The following APC2 variants were observed in gnomAD, a reference collection of about 807,000 sequenced individuals.
APC2 encodes the protein APC regulator of Wnt signaling pathway 2.
In APC2, 41 loss-of-function variants were observed where a neutral mutation model predicts 72.5. The observed-to-expected ratio is 0.57, with a 90% CI of 0.44 to 0.73. The LOEUF (loss-of-function observed/expected upper bound fraction) is 0.73, where lower values mean the gene tolerates loss of function less well. Ranked by LOEUF, APC2 falls within the 30% of genes least tolerant of loss-of-function variation. The pLI, the probability that APC2 is intolerant of heterozygous loss-of-function variation, is 0.00. For synonymous variants in APC2, 1,898 were observed against 1,612.0 expected (o/e 1.18, Z -4.25); for missense variants, 3,729 against 3,403.4 (o/e 1.10, Z -2.38).
chr19:1,447,203 C>T (rs1275958204), upstream of APC2, among the ~76,000 whole-genome samples: 2 of 152,256 alleles, frequency 1.3e-5, no homozygotes, highest in African/African-American at 4.8e-5. Flanking sequence ...CGGGCCGTCT[C>T]TATCCTCCCG....
At position 1,470,663 on chromosome 19, in the gene APC2, GGCCTGCC is replaced by G. The variant is rs2084119124; in HGVS notation, c.*451_*457del. 1 of 163,308 alleles carries G rather than the reference GGCCTGCC, an allele frequency of 6.1e-6. No homozygotes were observed. Among genetic ancestry groups the G allele is most frequent in the Non-Finnish European group, 1.3e-5 (1 of 75,922 alleles). 10.1% of individuals were successfully genotyped at this position (163,308 alleles called of 1,614,324 possible). On this transcript the variant is annotated 3_prime_UTR_variant, in exon 15 of 15. Transcript: ENST00000590469. ...GCTGGGGGAGGGCGGCGCCGCGGCG[GGCCTGCC>G]AGCTGGGGGCCTTTGCGGCGCGCAG... is the stretch of plus-strand genomic sequence containing the variant.
intron 14 of APC2, among the ~76,000 whole-genome samples, chr19:1,462,703 G>A (rs1302986964): frequency 1.3e-5 from 2 of 150,038 alleles, no homozygotes; most frequent in Non-Finnish European, 2.9e-5. Context: ...AGGCGCAGTG[G>A]CTCACACCTG....
chr19:1,459,122 G>A (rs1244769065), intron 10 of APC2, among the ~76,000 whole-genome samples: 2 of 152,176 alleles, frequency 1.3e-5, no homozygotes, highest in Admixed American at 6.5e-5. Flanking sequence ...GAATCACACA[G>A]GATTTGTCAT....
chr19:1,448,009 C>A (rs1599124316), upstream of APC2, among the ~76,000 whole-genome samples: 6 of 152,106 alleles, frequency 3.9e-5, no homozygotes, highest in Admixed American at 6.5e-5. Flanking sequence ...TCCAACCCAC[C>A]CTTCAGTAAA....
chr19:1,469,221 C>A lies in APC2; in HGVS notation c.5920C>A (p.Arg1974Ser). 1.4e-6 allele frequency: 2 copies of A among 1,408,968 alleles called. No homozygotes were observed. 87.3% of individuals were successfully genotyped at this position (1,408,968 alleles called of 1,614,324 possible). The change falls in exon 15 of 15, where the codon CGT becomes AGT. Residue 1974 changes from arginine to serine, a missense_variant. Coordinates refer to ENST00000590469, the MANE Select transcript of APC2 (RefSeq NM_005883.3). ...GCGCGGGGGCCGCCTGGGCCTGGTG[C>A]GTGTGGCCTCAGCCCTCTCCAGCGG... ...GARGGRLGLVRVASALSSGSE... is the reference protein window; with the variant it reads ...GARGGRLGLVSVASALSSGSE...
chr19:1,449,468 A>G (rs991984844), upstream of APC2, among the ~76,000 whole-genome samples: 3 of 152,186 alleles, frequency 2.0e-5, no homozygotes, highest in African/African-American at 7.2e-5. Context: ...CCAGGGGCAG[A>G]GACACATGGA....
chr19:1,469,464 G>A lies in APC2; in HGVS notation c.6163G>A (p.Ala2055Thr). 1 of 1,128,822 alleles carries A rather than the reference G, an allele frequency of 8.9e-7. No homozygotes were observed. The allele number at this position is 1,128,822 out of a possible 1,614,324, so 69.9% of individuals were successfully genotyped here. Residue 2055 changes from alanine (A) to threonine (T), a missense_variant, in exon 15 of 15, where the codon GCC becomes ACC. By Grantham distance (58) the Ala-to-Thr change is moderately conservative (BLOSUM62 0). Transcript: ENST00000590469. ...CCGAGCGGCACCCCGGCAGGGCCCG[G>A]CCCCGGCCCGGCAGCGGCCCCCCGC... The part of the protein sequence containing the change: ...ELRAAPRQGP[A>T]PARQRPPAAR...
chr19:1,469,723 CG>C lies in APC2; in HGVS notation c.6423del (p.Pro2142ArgfsTer193). 6.9e-7 allele frequency: 1 copy of C among 1,454,456 alleles called. No individual in the cohort carries two copies. The highest frequency in any genetic ancestry group is 9.0e-7 in the Non-Finnish European group (1 of 1,110,414). The allele number at this position is 1,454,456 out of a possible 1,614,324, so 90.1% of individuals were successfully genotyped here. A position where few individuals can be genotyped will look rare whatever the true frequency, so the allele number is the denominator to read the frequency against. ...CCCCGGCCGCTCCCCAGGGTGGCCG[CG>C]CCGGGCACGACCTGGCGGCGCATCC... ...GEPRPLPRVA[A>X]PGTTWRRIRD... On this transcript the variant is annotated frameshift_variant, in exon 15 of 15. Coordinates refer to ENST00000590469, the MANE Select transcript of APC2 (RefSeq NM_005883.3). LOFTEE classifies it low-confidence loss of function (END_TRUNC).
At position 1,466,932 on chromosome 19, in the gene APC2, A is replaced by G. The variant is rs1053934529; in HGVS notation, c.3631A>G (p.Ser1211Gly). ...CGGACAGACCATGCCTCCCAGCCGGAGCAAGACGCCACCGCTGGCGCCCGC... is the reference window on the plus strand; with the variant it reads ...CGGACAGACCATGCCTCCCAGCCGGGGCAAGACGCCACCGCTGGCGCCCGC... ...SPGQTMPPSRSKTPPLAPAPQ... is the reference protein window; with the variant it reads ...SPGQTMPPSRGKTPPLAPAPQ... The change falls in exon 15 of 15, where the codon AGC becomes GGC. Residue 1211 changes from serine (S) to glycine (G), a missense_variant. Coordinates refer to ENST00000590469, the MANE Select transcript of APC2 (RefSeq NM_005883.3). The G allele has an allele frequency of 4.4e-6, 7 of 1,597,526 alleles. No individual in the cohort carries two copies. Among genetic ancestry groups the G allele is most frequent in the African/African-American group, 4.0e-5 (3 of 74,664 alleles).
Position 1,457,086 on chromosome 19 carries a change from G to A in APC2, c.1050G>A (p.Ala350=). ...AKDARMRANA[A]LHNIVFSQPD... Reference sequence around the variant, plus strand: ...ACGCACGCATGCGCGCCAACGCGGCGCTGCACAACATCGTCTTCTCGCAGC... The same window carrying A: ...ACGCACGCATGCGCGCCAACGCGGCACTGCACAACATCGTCTTCTCGCAGC... The change falls in exon 9 of 15, where the codon GCG becomes GCA. Residue 350 remains alanine, a synonymous_variant. Transcript: ENST00000590469. 1.3e-6 allele frequency: 2 copies of A among 1,569,370 alleles called. No individual in the cohort carries two copies. Among genetic ancestry groups the A allele is most frequent in the African/African-American group, 1.4e-5 (1 of 73,288 alleles).
intron 8 of APC2, 67 bp downstream of exon 8, chr19:1,456,471 C>T (rs917319249): frequency 4.2e-6 from 6 of 1,443,414 alleles, no homozygotes; most frequent in Non-Finnish European, 5.6e-6. Context: ...AGGTCTGCAT[C>T]CTCGCCAGTG....
chr19:1,460,100 C>A, intron 10 of APC2, 81 bp from the exon 11 acceptor site: 2 of 1,585,472 alleles, frequency 1.3e-6, no homozygotes, highest in South Asian at 2.3e-5. Flanking sequence ...GGGAGGGCCT[C>A]TGGGCAAGGG....
chr19:1,456,031 G>T lies in APC2; in HGVS notation c.640-45G>T, dbSNP rs1007507560. The T allele has an allele frequency of 3.3e-6, 5 of 1,509,568 alleles. No homozygotes were observed. The Admixed American group carries it at 6.0e-5, about 18-fold the overall frequency. 93.5% of individuals were successfully genotyped at this position (1,509,568 alleles called of 1,614,324 possible). On this transcript the variant is annotated intron_variant, in intron 6 of 14. Coordinates refer to ENST00000590469, the MANE Select transcript of APC2 (RefSeq NM_005883.3). ...CAGGGAGAGGCGGGGTCAGAGCCGG[G>T]GGCGGGGTCAGCTCCAGCACTTGCC... is the stretch of plus-strand genomic sequence containing the variant.
intron 2 of APC2, 22 bp from the exon 3 acceptor site, chr19:1,453,225 G>T: frequency 6.4e-7 from 1 of 1,558,208 alleles, no homozygotes; most frequent in Non-Finnish European, 8.7e-7. Context: ...ATGGCTTCCC[G>T]CCCTCTTTCC....
At chr19:1,456,545 A>G (rs2656869) in intron 8 of APC2, 141 bp downstream of exon 8, 558,702 of 935,318 alleles carry the variant, frequency 0.6, 170,269 homozygotes, top group African/African-American at 0.77. Flanking sequence ...TCTGGCGTGC[A>G]GCTCATGCAG....
chr19:1,469,565 G>A lies in APC2; in HGVS notation c.6264G>A (p.Ala2088=). ...GCCCGTCCCGCCTGCCTGTGCGCGC[G>A]CCCGCCGCCCGGCCGGAGACTGTCA... ...SESPSRLPVR[A]PAARPETVKR... The change falls in exon 15 of 15, where the codon GCG becomes GCA. Residue 2088 remains alanine (A), a synonymous_variant. Coordinates refer to ENST00000590469, the MANE Select transcript of APC2 (RefSeq NM_005883.3). 2 of 1,236,040 alleles carry A rather than the reference G, an allele frequency of 1.6e-6. No homozygotes were observed. The highest frequency in any genetic ancestry group is 1.0e-6 in the Non-Finnish European group (1 of 974,916). The allele number at this position is 1,236,040 out of a possible 1,614,324, so 76.6% of individuals were successfully genotyped here.
Position 1,466,934 on chromosome 19 carries a change from C to G in APC2, c.3633C>G (p.Ser1211Arg). ...GACAGACCATGCCTCCCAGCCGGAG[C>G]AAGACGCCACCGCTGGCGCCCGCGC... ...SPGQTMPPSRSKTPPLAPAPQ... is the reference protein window; with the variant it reads ...SPGQTMPPSRRKTPPLAPAPQ... The change falls in exon 15 of 15, where the codon AGC becomes AGG. Residue 1211 changes from serine to arginine, a missense_variant. Coordinates refer to ENST00000590469, the MANE Select transcript of APC2 (RefSeq NM_005883.3). The G allele has an allele frequency of 6.3e-7, 1 of 1,598,030 alleles. No homozygotes were observed. The highest frequency in any genetic ancestry group is 8.5e-7 in the Non-Finnish European group (1 of 1,172,854).
chr19:1,464,987 GTC>G (rs2083983230), intron 14 of APC2, among the ~76,000 whole-genome samples, 166 bp from the exon 15 acceptor site: 1 of 148,946 alleles, frequency 6.7e-6, no homozygotes, highest in Non-Finnish European at 1.5e-5. Context: ...AAATAATTTA[GTC>G]TCTGTCATGC....
chr19:1,450,908 A>C (rs1302017418), intron 1 of APC2, among the ~76,000 whole-genome samples: 1 of 152,222 alleles, frequency 6.6e-6, no homozygotes, highest in African/African-American at 2.4e-5. Flanking sequence ...AGGCAGGGCA[A>C]CTGCACGTGC....
Sources: gnomAD v4.1 joint callset for allele counts (sites outside exome capture counted in the v4.1 genomes callset) on GRCh38, gnomAD v4.1.1 for gene constraint, MANE v1.5 for transcripts, NCBI Gene and HGNC (gene_info 2026-07-23, HGNC 2026-07-21) for gene names.